DPH6: variants seen among roughly 807,000 people sequenced by gnomAD.
The protein encoded by DPH6 is diphthamine biosynthesis 6, also known as diphthine--ammonia ligase.
DPH6 carries 33 observed loss-of-function variants against 38.2 expected under a neutral mutation model. The observed-to-expected ratio is 0.86, with a 90% CI of 0.65 to 1.15. The LOEUF is 1.15. Ranked by LOEUF, DPH6 falls within the 50% of genes most tolerant of loss-of-function variation. DPH6 has a pLI of 0.00. For synonymous variants in DPH6, 108 were observed against 103.0 expected, an observed-to-expected ratio of 1.05 and a Z score of -0.30; for missense variants, 325 against 320.0, an observed-to-expected ratio of 1.02 and a Z score of -0.12.
chr15:35,534,377 C>CAAAA (rs55974798), intron 3 of DPH6, among the ~76,000 whole-genome samples: 11 of 104,194 alleles, frequency 1.1e-4, no homozygotes, highest in Middle Eastern at 4.7e-3. Flanking sequence ...AACTCTGTCT[C>CAAAA]AAAAAAAAAA....
intron 3 of DPH6, among the ~76,000 whole-genome samples, chr15:35,349,375 T>A (rs1023525489): frequency 5.9e-5 from 9 of 152,188 alleles, no homozygotes; most frequent in African/African-American, 1.9e-4. Flanking sequence ...GAAAAGGTAT[T>A]ACATTTTGTC....
At chr15:35,273,678 C>T (rs1167484480) in intron 3 of DPH6, among the ~76,000 whole-genome samples, 2 of 152,000 alleles carry the variant, frequency 1.3e-5, no homozygotes, top group East Asian at 3.8e-4. Flanking sequence ...AATGAAATAC[C>T]CAGGAATACA....
intron 3 of DPH6, among the ~76,000 whole-genome samples, chr15:35,238,601 T>C (rs996342649): frequency 1.3e-5 from 2 of 152,232 alleles, no homozygotes; most frequent in African/African-American, 4.8e-5. Context: ...AAAGACTATG[T>C]TGCCTATGCA....
intron 3 of DPH6, among the ~76,000 whole-genome samples, chr15:35,283,784 AC>A (rs1324167802): frequency 6.6e-6 from 1 of 151,452 alleles, no homozygotes; most frequent in Admixed American, 6.6e-5. Context: ...ACACACACAC[AC>A]ACACACACAC....
At chr15:35,353,771 T>C (rs1189285570) in intron 3 of DPH6, among the ~76,000 whole-genome samples, 1 of 152,202 alleles carries the variant, frequency 6.6e-6, no homozygotes, top group Non-Finnish European at 1.5e-5. Context: ...AGGCTCTTTT[T>C]TGGTTCCATA....
intron 3 of DPH6, among the ~76,000 whole-genome samples, chr15:35,311,044 A>G (rs1440891996): frequency 2.6e-5 from 4 of 151,482 alleles, no homozygotes; most frequent in African/African-American, 7.3e-5. Flanking sequence ...GGGCAACAAG[A>G]GTGAAACGCC....
At chr15:35,352,552 T>TA (rs1433822019) in intron 3 of DPH6, among the ~76,000 whole-genome samples, 2 of 152,012 alleles carry the variant, frequency 1.3e-5, no homozygotes, top group Non-Finnish European at 2.9e-5. Context: ...GTCCTTGCGA[T>TA]AGTTTGCTGA....
chr15:35,156,259 C>A, the DPH6 span, among the ~76,000 whole-genome samples: 9 of 151,882 alleles, frequency 5.9e-5, no homozygotes, highest in Non-Finnish European at 1.0e-4. Context: ...TATGAATGAA[C>A]AAATTGAATA....
intron 3 of DPH6, among the ~76,000 whole-genome samples, chr15:35,536,396 A>G (rs2055170083): frequency 6.6e-6 from 1 of 152,030 alleles, no homozygotes; most frequent in Non-Finnish European, 1.5e-5. Context: ...TTTCAACTAT[A>G]ATTATCATGT....
At chr15:35,296,399 T>C (rs2052015104) in intron 3 of DPH6, among the ~76,000 whole-genome samples, 1 of 152,214 alleles carries the variant, frequency 6.6e-6, no homozygotes, top group African/African-American at 2.4e-5. Flanking sequence ...CTAAAATTTT[T>C]ATATCTCTTT....
chr15:35,374,764 C>A (rs1408719610), intron 7 of DPH6, among the ~76,000 whole-genome samples: 1 of 151,978 alleles, frequency 6.6e-6, no homozygotes, highest in Admixed American at 6.6e-5. Flanking sequence ...ATATAATTTG[C>A]CTTCACAGTC....
chr15:35,207,491 G>A, the DPH6 span, among the ~76,000 whole-genome samples: 5 of 152,096 alleles, frequency 3.3e-5, no homozygotes, highest in African/African-American at 1.2e-4. Flanking sequence ...GGCTTATTAT[G>A]ATATGTTTTG....
At chr15:35,355,609 T>G (rs1177420222) in intron 3 of DPH6, among the ~76,000 whole-genome samples, 1 of 152,248 alleles carries the variant, frequency 6.6e-6, no homozygotes, top group Non-Finnish European at 1.5e-5. Flanking sequence ...TGTTGAATAT[T>G]GGCCCCCACT....
chr15:35,269,537 C>T (rs1337024054), intron 3 of DPH6, among the ~76,000 whole-genome samples: 3 of 151,906 alleles, frequency 2.0e-5, no homozygotes, highest in African/African-American at 7.3e-5. Flanking sequence ...CCCGGGGTCA[C>T]GCCATTCTCC....
chr15:35,208,392 C>T, the DPH6 span, among the ~76,000 whole-genome samples: 1 of 152,186 alleles, frequency 6.6e-6, no homozygotes, highest in African/African-American at 2.4e-5. Flanking sequence ...AAGCAAGCCT[C>T]AGACACAATC....
At chr15:35,232,921 T>G (rs1354217350) in intron 3 of DPH6, among the ~76,000 whole-genome samples, 1 of 152,078 alleles carries the variant, frequency 6.6e-6, no homozygotes, top group Non-Finnish European at 1.5e-5. Context: ...ATGCTTACAA[T>G]AGTAAAATAC....
intron 3 of DPH6, among the ~76,000 whole-genome samples, chr15:35,515,805 G>A (rs866084013): frequency 3.3e-5 from 5 of 151,796 alleles, no homozygotes; most frequent in Admixed American, 1.3e-4. Flanking sequence ...AGCTGAAGGC[G>A]GAAGATTGTT....
At chr15:35,346,590 C>T (rs1229234418) in intron 3 of DPH6, among the ~76,000 whole-genome samples, 1 of 152,040 alleles carries the variant, frequency 6.6e-6, no homozygotes, top group African/African-American at 2.4e-5. Flanking sequence ...ACTTCCATGA[C>T]TTCTCTATTG....
At chr15:35,324,140 T>C (rs2052263401) in intron 3 of DPH6, among the ~76,000 whole-genome samples, 1 of 152,070 alleles carries the variant, frequency 6.6e-6, no homozygotes, top group Non-Finnish European at 1.5e-5. Flanking sequence ...TAATTCAGGG[T>C]TGTTGTGAGG....
Sources: gnomAD v4.1 joint callset for allele counts (sites outside exome capture counted in the v4.1 genomes callset) on GRCh38, gnomAD v4.1.1 for gene constraint, MANE v1.5 for transcripts, NCBI Gene and HGNC (gene_info 2026-07-23, HGNC 2026-07-21) for gene names.